Variants in TMEM272 observed in about 807,000 individuals in gnomAD.
TMEM272 encodes the protein long intergenic non-protein coding RNA 282.
TMEM272 carries 8 observed loss-of-function variants against 3.7 expected under a neutral mutation model. That is an observed-to-expected ratio of 2.17 (90% CI 1.27 to 3.91). The LOEUF (loss-of-function observed/expected upper bound fraction) is 3.91. TMEM272 is among the 30% of genes most tolerant of loss of function. TMEM272 has a pLI of 0.00. For missense variants in TMEM272, 166 were observed against 91.5 expected (o/e 1.81, Z -3.32); for synonymous variants, 63 against 39.8 (o/e 1.58, Z -2.20).
At chr13:51,861,356 C>T in the TMEM272 span, among the ~76,000 whole-genome samples, 5 of 151,912 alleles carry the variant, frequency 3.3e-5, no homozygotes, top group African/African-American at 1.2e-4. Context: ...GGTGCTCTTG[C>T]TACAGTGCAC....
At chr13:51,894,827 T>C in the TMEM272 span, among the ~76,000 whole-genome samples, 1 of 152,022 alleles carries the variant, frequency 6.6e-6, no homozygotes, top group South Asian at 2.1e-4. Flanking sequence ...CATTGTAATA[T>C]ATAACGGAAT....
the TMEM272 span, chr13:51,866,018 G>A: frequency 6.2e-7 from 1 of 1,610,838 alleles, no homozygotes; most frequent in Non-Finnish European, 8.5e-7. Flanking sequence ...GATGCTCGAA[G>A]ATGGGCCCCA....
chr13:51,895,103 T>G, the TMEM272 span, among the ~76,000 whole-genome samples: 1 of 152,294 alleles, frequency 6.6e-6, no homozygotes, highest in Admixed American at 6.5e-5. Flanking sequence ...TATATACAGA[T>G]GAAGCTTCGC....
chr13:51,845,568 A>C (rs1423388916), upstream of TMEM272, among the ~76,000 whole-genome samples: 1 of 152,170 alleles, frequency 6.6e-6, no homozygotes, highest in Non-Finnish European at 1.5e-5. Flanking sequence ...AAAAGGGATT[A>C]AATTGATTCC....
the TMEM272 span, chr13:51,910,182 C>T: frequency 1.0e-5 from 11 of 1,097,552 alleles, no homozygotes; most frequent in Non-Finnish European, 1.5e-5. Context: ...CTTTTCTAGA[C>T]AGAGTATTTC....
the TMEM272 span, among the ~76,000 whole-genome samples, chr13:51,899,697 T>A: frequency 6.6e-6 from 1 of 152,152 alleles, no homozygotes; most frequent in African/African-American, 2.4e-5. Context: ...GCCGAAACAA[T>A]CTTACAACAA....
At chr13:51,866,461 C>T in the TMEM272 span, among the ~76,000 whole-genome samples, 151 of 152,282 alleles carry the variant, frequency 9.9e-4, 1 homozygote, top group African/African-American at 3.4e-3. Context: ...GCTGAGATGC[C>T]GCTGTCTCCG....
At chr13:51,830,107 C>CA (rs1956160784) in intron 2 of TMEM272, among the ~76,000 whole-genome samples, 1 of 152,226 alleles carries the variant, frequency 6.6e-6, no homozygotes, top group East Asian at 1.9e-4. Context: ...CAGCCACGTA[C>CA]AAAAGCATTT....
At chr13:51,890,487 C>T in the TMEM272 span, among the ~76,000 whole-genome samples, 1 of 152,114 alleles carries the variant, frequency 6.6e-6, no homozygotes, top group African/African-American at 2.4e-5. Flanking sequence ...TGGAAGCAGC[C>T]CAGGACCCTC....
chr13:51,831,681 C>CAGA (rs1264787683), intron 2 of TMEM272, among the ~76,000 whole-genome samples: 2 of 152,246 alleles, frequency 1.3e-5, no homozygotes. Flanking sequence ...ATCCCCCTGC[C>CAGA]TCCTGGGGCA....
intron 4 of TMEM272, 95 bp from the exon 5 acceptor site, chr13:51,817,208 GGAGA>G (rs1223814908): frequency 9.1e-5 from 56 of 612,258 alleles, no homozygotes; most frequent in South Asian, 1.9e-5. Flanking sequence ...GTGTTGGCAG[GGAGA>G]GAGAAAGAGG....
At position 51,826,606 on chromosome 13, in the gene TMEM272, G is replaced by C. The variant is rs934785607; in HGVS notation, c.78C>G (p.Leu26=). Residue 26 remains leucine (L), a synonymous_variant, in exon 3 of 5, where the codon CTC becomes CTG. Transcript: ENST00000629372. ...IASNACFVVV[L]CAFLALPLSM... is the part of the protein sequence containing the mutation. ...ACAGCGGCAGAGCCAGGAAAGCACA[G>C]AGCACAACAACGAAGCAGGCTGCAA... The C allele has an allele frequency of 1.4e-6, 1 of 702,492 alleles. No individual in the cohort carries two copies. Among genetic ancestry groups the C allele is most frequent in the East Asian group, 2.7e-5 (1 of 37,300 alleles). The allele number at this position is 702,492 out of a possible 1,614,324, so 43.5% of individuals were successfully genotyped here. A position where few individuals can be genotyped will look rare whatever the true frequency, so the allele number is the denominator to read the frequency against.
the TMEM272 span, chr13:51,865,873 A>C: frequency 6.2e-7 from 1 of 1,613,386 alleles, no homozygotes; most frequent in Non-Finnish European, 8.5e-7. Context: ...CCCTGTGGGT[A>C]GAGGAAAGAG....
At chr13:51,903,128 T>G in the TMEM272 span, among the ~76,000 whole-genome samples, 1 of 152,218 alleles carries the variant, frequency 6.6e-6, no homozygotes, top group Non-Finnish European at 1.5e-5. Context: ...GTGGAAATAT[T>G]TTGCATTTCT....
the TMEM272 span, among the ~76,000 whole-genome samples, chr13:51,895,381 T>C: frequency 6.6e-6 from 1 of 152,150 alleles, no homozygotes; most frequent in Non-Finnish European, 1.5e-5. Context: ...TAAATATTCC[T>C]TATGGATGGG....
At chr13:51,857,683 T>G in the TMEM272 span, among the ~76,000 whole-genome samples, 42 of 151,894 alleles carry the variant, frequency 2.8e-4, no homozygotes, top group African/African-American at 9.7e-4. Context: ...ATTATTTAAT[T>G]AATCCAAAAG....
chr13:51,859,901 T>TG, the TMEM272 span, among the ~76,000 whole-genome samples: 1 of 151,932 alleles, frequency 6.6e-6, no homozygotes, highest in Non-Finnish European at 1.5e-5. Flanking sequence ...TCTATTTTTT[T>TG]TTTTGTTTTG....
chr13:51,900,582 T>C, the TMEM272 span, among the ~76,000 whole-genome samples: 1 of 152,150 alleles, frequency 6.6e-6, no homozygotes, highest in African/African-American at 2.4e-5. Flanking sequence ...ACAGTTACCA[T>C]AATAGCCTAG....
the TMEM272 span, chr13:51,909,342 G>A: frequency 1.1e-6 from 1 of 879,724 alleles, no homozygotes; most frequent in Non-Finnish European, 1.9e-6. Context: ...CTTTCTGCAG[G>A]TCTCCAGCTC....
Sources: allele counts gnomAD v4.1 joint callset (sites outside exome capture counted in the v4.1 genomes callset), GRCh38; gene constraint gnomAD v4.1.1; transcripts MANE v1.5; gene names NCBI Gene and HGNC (gene_info 2026-07-23, HGNC 2026-07-21).